Variants in LAMA1 observed in about 807,000 individuals in gnomAD.
LAMA1 encodes the protein laminin subunit alpha-1.
LAMA1 carries 219 observed loss-of-function variants against 348.7 expected under a neutral mutation model. The ratio of observed to expected loss-of-function variants is 0.63; its 90% CI spans 0.56 to 0.70. LAMA1 has a LOEUF of 0.70. Among genes scored for constraint, LAMA1 ranks in the 30% least tolerant of loss-of-function variants. The pLI is 0.00. For missense variants in LAMA1, 3,744 were observed against 3,888.0 expected, an observed-to-expected ratio of 0.96 and a Z score of 0.99; for synonymous variants, 1,487 against 1,491.0, an observed-to-expected ratio of 1.00 and a Z score of 0.06.
In LAMA1 at chr18:7,040,067, C is replaced by A; in HGVS notation, c.1422+9G>T. ...GAAGCTCAGGGGTGTCTCTGACCTCCCCACTTACCTTACAAACACAGGGCC... is the reference window on the plus strand; with the variant it reads ...GAAGCTCAGGGGTGTCTCTGACCTCACCACTTACCTTACAAACACAGGGCC... On this transcript the variant is annotated intron_variant, in intron 10 of 62. Coordinates refer to ENST00000389658, the MANE Select transcript of LAMA1 (RefSeq NM_005559.4). The A allele has an allele frequency of 6.2e-7, 1 of 1,613,800 alleles. No homozygotes were observed. Among genetic ancestry groups the A allele is most frequent in the Non-Finnish European group, 8.5e-7 (1 of 1,180,002 alleles).
At chr18:7,027,159 T>C (rs1336497260) in intron 16 of LAMA1, among the ~76,000 whole-genome samples, 1 of 152,014 alleles carries the variant, frequency 6.6e-6, no homozygotes, top group Admixed American at 6.6e-5. Context: ...CATAATTGGG[T>C]CAACTGACAA....
chr18:7,062,414 G>C (rs2058105899), intron 3 of LAMA1, among the ~76,000 whole-genome samples: 1 of 152,302 alleles, frequency 6.6e-6, no homozygotes, highest in East Asian at 1.9e-4. Context: ...TGGCAGGAGA[G>C]AGCCGGCGGG....
chr18:7,098,901 T>A lies in LAMA1; in HGVS notation c.62-18444A>T, dbSNP rs1211018444. Among the ~76,000 whole-genome samples the A allele has an allele frequency of 3.0e-3, 444 of 148,868 alleles. 2 individuals carry two copies. Among genetic ancestry groups the A allele is most frequent in the African/African-American group, 9.6e-3 (385 of 40,250 alleles). On this transcript the variant is annotated intron_variant, in intron 1 of 62. Transcript: ENST00000389658. ...CCGTCCGGGAGGTGAGGGGCGCCTCTGCCCGGCCGCCCCTACTGGGAAGTG... is the reference window on the plus strand; with the variant it reads ...CCGTCCGGGAGGTGAGGGGCGCCTCAGCCCGGCCGCCCCTACTGGGAAGTG...
chr18:6,942,725 A>C (rs914495199), intron 62 of LAMA1, among the ~76,000 whole-genome samples: 3 of 152,172 alleles, frequency 2.0e-5, no homozygotes, highest in Non-Finnish European at 4.4e-5. Flanking sequence ...AAAACTTTTA[A>C]TATATAAAAT....
chr18:7,086,599 C>T (rs1278423304), intron 1 of LAMA1, among the ~76,000 whole-genome samples: 1 of 151,716 alleles, frequency 6.6e-6, no homozygotes, highest in South Asian at 2.1e-4. Flanking sequence ...TCTTCTCCCC[C>T]ACTATCCTTT....
chr18:7,038,456 C>T, intron 11 of LAMA1: 2 of 371,448 alleles, frequency 5.4e-6, no homozygotes, highest in Non-Finnish European at 1.0e-5. Flanking sequence ...TGGAAAATCC[C>T]CATGGCCCCA....
chr18:6,961,789 T>C, intron 52 of LAMA1, 30 bp from the exon 53 acceptor site: 1 of 1,613,212 alleles, frequency 6.2e-7, no homozygotes, highest in Non-Finnish European at 8.5e-7. Flanking sequence ...AACAGCATGG[T>C]GAGTTCCTAG....
At position 6,954,703 on chromosome 18, in the gene LAMA1, C is replaced by A. The variant is rs191142870; in HGVS notation, c.8207+650G>T. On this transcript the variant is annotated intron_variant, in intron 57 of 62. Transcript: ENST00000389658. ...AATTCACAGAGAGTGATGGCAGGAG[C>A]TGCAGAAGACAGACAGGAGCCCAGG... 365 of 162,108 alleles carry A rather than the reference C, an allele frequency of 2.3e-3. 2 individuals carry two copies. Among genetic ancestry groups the A allele is most frequent in the South Asian group, 6.1e-3 (37 of 6,046 alleles). 10.0% of individuals were successfully genotyped at this position (162,108 alleles called of 1,614,324 possible).
In LAMA1 at chr18:6,992,667, G is replaced by T. The variant is rs1355368277; in HGVS notation, c.5062C>A (p.Pro1688Thr). 1.2e-6 allele frequency: 2 copies of T among 1,613,556 alleles called. No homozygotes were observed. Among genetic ancestry groups the T allele is most frequent in the Admixed American group, 1.7e-5 (1 of 60,022 alleles). ...NQTLDEDFLL[P>T]NSTLQNMQQN... Reference sequence around the variant, plus strand: ...TGCATGTTCTGAAGAGTAGAATTGGGTAGTAGGAAATCTTCATCCAAAGTC... The same window carrying T: ...TGCATGTTCTGAAGAGTAGAATTGGTTAGTAGGAAATCTTCATCCAAAGTC... The change falls in exon 36 of 63, where the codon CCC (proline) becomes ACC (threonine). Residue 1688 changes from proline to threonine, a missense_variant. This residue lies in a region of LAMA1 where 1,983 missense variants were observed against 1,934.3 expected (regional missense o/e 1.03). Coordinates refer to ENST00000389658, the MANE Select transcript of LAMA1 (RefSeq NM_005559.4).
chr18:6,972,998 T>G, intron 47 of LAMA1, 59 bp downstream of exon 47: 2 of 1,595,076 alleles, frequency 1.3e-6, no homozygotes, highest in Non-Finnish European at 8.6e-7. Context: ...GCCCATGACT[T>G]TTATATATAG....
intron 36 of LAMA1, among the ~76,000 whole-genome samples, chr18:6,988,079 A>T (rs2057743213): frequency 6.6e-6 from 1 of 152,092 alleles, no homozygotes; most frequent in African/African-American, 2.4e-5. Flanking sequence ...GCGCCACTGC[A>T]CTCCAGCCTG....
At position 7,011,363 on chromosome 18, in the gene LAMA1, G is replaced by T. The variant is rs770560792; in HGVS notation, c.3624C>A (p.Val1208=). 6.2e-7 allele frequency: 1 copy of T among 1,612,138 alleles called. No homozygotes were observed. The highest frequency in any genetic ancestry group is 1.1e-5 in the South Asian group (1 of 90,486). The part of the protein sequence containing the change: ...APDFLLDAAT[V]RQHIRAEPFY... The stretch of plus-strand genomic sequence containing the variant: ...ACGGCTCTGCACGGATGTGCTGCCG[G>T]ACGGTGGCGGCATCCAGCAGGAAGT... Residue 1208 remains valine (V), a synonymous_variant, in exon 25 of 63, where the codon GTC becomes GTA. Transcript: ENST00000389658.
intron 39 of LAMA1, 140 bp from the exon 40 acceptor site, chr18:6,983,374 A>C (rs1258331612): frequency 1.1e-6 from 1 of 878,710 alleles, no homozygotes; most frequent in Non-Finnish European, 1.8e-6. Context: ...CATAAAAAAT[A>C]ACAACCTATG....
rs115834419 is a variant in LAMA1, at chr18:7,087,109, A to T, written c.62-6652T>A. ...ACTGAAGTTGACCCTTTCATCTAAA[A>T]AAAGAAAGGTCTATAAAATGTCCTG... On this transcript the variant is annotated intron_variant, in intron 1 of 62. Coordinates refer to ENST00000389658, the MANE Select transcript of LAMA1 (RefSeq NM_005559.4). Among the ~76,000 whole-genome samples the T allele has an allele frequency of 6.5e-3, 995 of 152,352 alleles. 8 individuals carry two copies. The highest frequency in any genetic ancestry group is 0.022 in the African/African-American group (901 of 41,582).
intron 61 of LAMA1, among the ~76,000 whole-genome samples, chr18:6,945,734 C>A (rs150240484): frequency 2.2e-3 from 342 of 152,192 alleles, no homozygotes; most frequent in Admixed American, 5.0e-3. Context: ...TCATGACAAC[C>A]AGGATGAGAA....
At chr18:7,029,469 T>C (rs1257261943) in intron 16 of LAMA1, among the ~76,000 whole-genome samples, 1 of 152,246 alleles carries the variant, frequency 6.6e-6, no homozygotes, top group Non-Finnish European at 1.5e-5. Flanking sequence ...ATTTGGAACA[T>C]GTCTATGGTA....
intron 15 of LAMA1, 141 bp downstream of exon 15, chr18:7,032,843 T>G: frequency 1.4e-6 from 1 of 707,362 alleles, no homozygotes; most frequent in Admixed American, 2.1e-5. Context: ...CTTCTAATAT[T>G]TCTATTGCCC....
At chr18:7,098,753 T>C in intron 1 of LAMA1, among the ~76,000 whole-genome samples, 1 of 136,836 alleles carries the variant, frequency 7.3e-6, no homozygotes, top group Admixed American at 7.4e-5. Flanking sequence ...AGCCACCCCG[T>C]CCAGGAGGTG....
Position 6,983,174 on chromosome 18 carries a change from G to A in LAMA1, c.5721C>T (p.Tyr1907=). The A allele has an allele frequency of 6.2e-7, 1 of 1,614,128 alleles. No homozygotes were observed. The change falls in exon 40 of 63, where the codon TAC becomes TAT. Residue 1907 remains tyrosine (Y), a synonymous_variant. Coordinates refer to ENST00000389658, the MANE Select transcript of LAMA1 (RefSeq NM_005559.4). ...LNATSAAYVH[Y]NIQSLIEESE... ...ATTCTTCAATCAGGCTCTGGATGTT[G>A]TAATGGACATAGGCTGCACTGGTGG...
Sources: allele counts gnomAD v4.1 joint callset (sites outside exome capture counted in the v4.1 genomes callset), GRCh38; gene constraint gnomAD v4.1.1; regional missense constraint gnomAD v4.1.1; transcripts MANE v1.5; gene names NCBI Gene and HGNC (gene_info 2026-07-23, HGNC 2026-07-21).